Variants in LRIG1 observed in about 807,000 individuals in gnomAD.
LRIG1 encodes the protein leucine rich repeats and immunoglobulin like domains 1.
A neutral mutation model predicts 99.2 loss-of-function variants in LRIG1; 48 were observed. The ratio of observed to expected loss-of-function variants is 0.48; its 90% CI spans 0.38 to 0.62. LRIG1 has a LOEUF of 0.62. Among genes scored for constraint, LRIG1 ranks in the 20% least tolerant of loss-of-function variants. The pLI is 0.00. For missense variants in LRIG1, 1,646 were observed against 1,434.4 expected (o/e 1.15, Z -2.38); for synonymous variants, 772 against 596.1 (o/e 1.29, Z -4.30).
chr3:66,465,169 GC>G (rs537275635), intron 1 of LRIG1, among the ~76,000 whole-genome samples: 212 of 152,250 alleles, frequency 1.4e-3, no homozygotes, highest in Non-Finnish European at 2.5e-3. Context: ...TGGACAAGGG[GC>G]TGTTCTGGTT....
intron 3 of LRIG1, among the ~76,000 whole-genome samples, chr3:66,446,403 C>G (rs374273536): frequency 7.7e-6 from 1 of 129,192 alleles, no homozygotes; most frequent in Non-Finnish European, 1.7e-5. Flanking sequence ...GCCCACCCGC[C>G]TTTTTTTTTT....
At chr3:66,437,190 C>T (rs1207820160) in intron 3 of LRIG1, among the ~76,000 whole-genome samples, 1 of 152,238 alleles carries the variant, frequency 6.6e-6, no homozygotes, top group East Asian at 1.9e-4. Context: ...TCCACCTTCG[C>T]TTCACAGAAA....
chr3:66,483,981 T>C (rs1700910081), intron 1 of LRIG1, among the ~76,000 whole-genome samples: 1 of 152,230 alleles, frequency 6.6e-6, no homozygotes, highest in Non-Finnish European at 1.5e-5. Flanking sequence ...ATGGGACTTT[T>C]CCAAAATTCA....
At chr3:66,469,160 C>A (rs1441661944) in intron 1 of LRIG1, 1 of 152,170 alleles carries the variant, frequency 6.6e-6, no homozygotes, top group African/African-American at 2.4e-5. Context: ...CTTGCTGCTA[C>A]CTCTCTTCAG....
chr3:66,454,188 A>C (rs1193389076), intron 2 of LRIG1, among the ~76,000 whole-genome samples: 1 of 152,156 alleles, frequency 6.6e-6, no homozygotes, highest in Non-Finnish European at 1.5e-5. Flanking sequence ...TCTACTGAAA[A>C]AAGAACCGCT....
intron 1 of LRIG1, among the ~76,000 whole-genome samples, chr3:66,481,514 T>C (rs1477817445): frequency 6.8e-6 from 1 of 147,402 alleles, no homozygotes; most frequent in Non-Finnish European, 1.5e-5. Context: ...GACCGGAGGG[T>C]TTATGTACAC....
At chr3:66,446,098 A>G (rs1041096145) in intron 3 of LRIG1, among the ~76,000 whole-genome samples, 3 of 152,196 alleles carry the variant, frequency 2.0e-5, no homozygotes, top group Non-Finnish European at 2.9e-5. Flanking sequence ...CCTGTAAAGA[A>G]GATTGATTTC....
At position 66,380,018 on chromosome 3, in the gene LRIG1, G is replaced by C. The variant is rs768954423; in HGVS notation, c.*245C>G. On this transcript the variant is annotated 3_prime_UTR_variant, in exon 19 of 19. Transcript: ENST00000273261. ...AAAGATTAAAATAGCCTCTGTAAAAGATATATATGAAATCTCTGAAAACTC... is the reference window on the plus strand; with the variant it reads ...AAAGATTAAAATAGCCTCTGTAAAACATATATATGAAATCTCTGAAAACTC... 2.9e-6 allele frequency: 1 copy of C among 342,584 alleles called. No individual in the cohort carries two copies. Among genetic ancestry groups the C allele is most frequent in the Non-Finnish European group, 5.3e-6 (1 of 188,914 alleles). The allele number at this position is 342,584 out of a possible 1,614,324, so 21.2% of individuals were successfully genotyped here. A position where few individuals can be genotyped will look rare whatever the true frequency, so the allele number is the denominator to read the frequency against.
Position 66,384,274 on chromosome 3 carries a change from T to A in LRIG1, c.1790-2A>T. The stretch of plus-strand genomic sequence containing the variant: ...GCGTTTTGGTGAATGATGGCAACAC[T>A]GGAAAACATACGTATACAGGGTCGG... On this transcript the variant is annotated splice_acceptor_variant, in intron 13 of 18. Transcript: ENST00000273261. LOFTEE classifies it high-confidence loss of function. 1.9e-6 allele frequency: 3 copies of A among 1,609,998 alleles called. No homozygotes were observed. The highest frequency in any genetic ancestry group is 2.5e-6 in the Non-Finnish European group (3 of 1,176,674).
chr3:66,446,386 C>T (rs1300492849), intron 3 of LRIG1, among the ~76,000 whole-genome samples: 2 of 150,952 alleles, frequency 1.3e-5, no homozygotes, highest in South Asian at 4.2e-4. Context: ...GTATCCTATC[C>T]TCTCCCGCCC....
chr3:66,379,423 C>G lies in LRIG1; in HGVS notation c.*840G>C, dbSNP rs546142008. 3 of 152,330 alleles carry G rather than the reference C, an allele frequency of 2.0e-5. No individual in the cohort carries two copies. The South Asian group carries it at 6.2e-4, about 32-fold the overall frequency. The allele number at this position is 152,330 out of a possible 1,614,324, so 9.4% of individuals were successfully genotyped here. On this transcript the variant is annotated 3_prime_UTR_variant, in exon 19 of 19. Coordinates refer to ENST00000273261, the MANE Select transcript of LRIG1 (RefSeq NM_015541.3). ...AAAAATCCACAGGTACCAACACCAG[C>G]AGCCTTTACCTTAATTTAAAAGTCT...
At chr3:66,434,431 C>T (rs1309693656) in intron 3 of LRIG1, among the ~76,000 whole-genome samples, 2 of 152,136 alleles carry the variant, frequency 1.3e-5, no homozygotes, top group East Asian at 1.9e-4. Flanking sequence ...GCACACCTAT[C>T]AGAATGGCTG....
At chr3:66,492,679 C>T (rs1283680854) in intron 1 of LRIG1, among the ~76,000 whole-genome samples, 5 of 151,956 alleles carry the variant, frequency 3.3e-5, no homozygotes, top group Non-Finnish European at 5.9e-5. Flanking sequence ...CACCTTTTGC[C>T]AAAACAAACT....
At chr3:66,467,617 T>C (rs572205937) in intron 1 of LRIG1, among the ~76,000 whole-genome samples, 1 of 152,322 alleles carries the variant, frequency 6.6e-6, no homozygotes, top group South Asian at 2.1e-4. Flanking sequence ...CGCCTCGGCC[T>C]CCCAAAGTGC....
At chr3:66,423,758 A>G (rs1559792351) in intron 3 of LRIG1, among the ~76,000 whole-genome samples, 1 of 152,182 alleles carries the variant, frequency 6.6e-6, no homozygotes, top group African/African-American at 2.4e-5. Flanking sequence ...CTTCCTGCCC[A>G]GGTTCAAATC....
chr3:66,380,347 A>C lies in LRIG1; in HGVS notation c.3198T>G (p.Cys1066Trp). 6.2e-7 allele frequency: 1 copy of C among 1,614,178 alleles called. No individual in the cohort carries two copies. Among genetic ancestry groups the C allele is most frequent in the East Asian group, 2.2e-5 (1 of 44,882 alleles). ...LVSNGHLPKA[C>W]DASPESTPLT... is the part of the protein sequence containing the mutation. ...GTGGCGTGGACTCGGGACTGGCGTC[A>C]CATGCTTTGGGGAGGTGGCCATTGG... Residue 1066 changes from cysteine (C) to tryptophan (W), a missense_variant, in exon 19 of 19, where the codon TGT becomes TGG. Coordinates refer to ENST00000273261, the MANE Select transcript of LRIG1 (RefSeq NM_015541.3).
chr3:66,382,664 A>C (rs576945066), intron 15 of LRIG1, among the ~76,000 whole-genome samples: 1 of 152,312 alleles, frequency 6.6e-6, no homozygotes, highest in African/African-American at 2.4e-5. Context: ...TCACAGAAGT[A>C]CCGCACTGTT....
At chr3:66,463,659 CAA>C (rs1297976801) in intron 1 of LRIG1, among the ~76,000 whole-genome samples, 2 of 152,154 alleles carry the variant, frequency 1.3e-5, no homozygotes, top group African/African-American at 4.8e-5. Flanking sequence ...CCGTGTTTGC[CAA>C]AGAGGTTAAC....
chr3:66,419,790 T>C (rs1161324888), intron 3 of LRIG1, among the ~76,000 whole-genome samples: 2 of 152,076 alleles, frequency 1.3e-5, no homozygotes, highest in African/African-American at 4.8e-5. Context: ...TCTCCCCACC[T>C]GTCTCCTCCC....
Sources: allele counts gnomAD v4.1 joint callset (sites outside exome capture counted in the v4.1 genomes callset), GRCh38; gene constraint gnomAD v4.1.1; transcripts MANE v1.5; gene names NCBI Gene and HGNC (gene_info 2026-07-23, HGNC 2026-07-21).